TET3: variants seen among roughly 807,000 people sequenced by gnomAD.
TET3 encodes tet methylcytosine dioxygenase 3.
Under a neutral mutation model 141.4 loss-of-function variants are expected in TET3, and 19 were observed. The observed-to-expected ratio is 0.13, with a 90% CI of 0.09 to 0.20. The LOEUF is 0.20. Ranked by LOEUF, TET3 falls within the 10% of genes least tolerant of loss-of-function variation. The pLI is 1.00. For synonymous variants in TET3, 1,043 were observed against 980.9 expected (o/e 1.06, Z -1.18); for missense variants, 1,874 against 2,356.9 (o/e 0.80, Z 4.24).
chr2:74,027,073 A>C lies in TET3; in HGVS notation c.361-19205A>C, dbSNP rs530980809. ...ACTTTCACTTGTAACCCAGTAGGGA[A>C]ATAAAAGGAGAGAGAAATGCTGATG... On this transcript the variant is annotated intron_variant, in intron 3 of 11. Coordinates refer to ENST00000409262, the MANE Select transcript of TET3 (RefSeq NM_001287491.2). Among the ~76,000 whole-genome samples the C allele has an allele frequency of 1.2e-4, 18 of 152,328 alleles. No individual in the cohort carries two copies. The Middle Eastern group carries it at 0.01, about 86-fold the overall frequency.
At chr2:74,005,290 C>G (rs1404070110) in intron 3 of TET3, among the ~76,000 whole-genome samples, 1 of 152,348 alleles carries the variant, frequency 6.6e-6, no homozygotes, top group Admixed American at 6.5e-5. Context: ...ACAAGTCTTT[C>G]TCCTTCCGCC....
intron 4 of TET3, among the ~76,000 whole-genome samples, chr2:74,057,053 G>A (rs1216190793): frequency 5.3e-5 from 8 of 152,210 alleles, no homozygotes; most frequent in African/African-American, 1.9e-4. Flanking sequence ...TCTGGGCTGA[G>A]GATGAGGATG....
chr2:74,117,204 G>C, the TET3 span, among the ~76,000 whole-genome samples: 86 of 152,272 alleles, frequency 5.6e-4, no homozygotes, highest in African/African-American at 1.8e-3. Context: ...GGGCTCCCAA[G>C]TAGCTGGGAT....
At chr2:74,042,658 G>A (rs1404591266) in intron 3 of TET3, among the ~76,000 whole-genome samples, 2 of 152,210 alleles carry the variant, frequency 1.3e-5, no homozygotes, top group Non-Finnish European at 2.9e-5. Flanking sequence ...ATGTTGGTAG[G>A]TTAATGGCCT....
chr2:74,100,698 G>A lies in TET3; in HGVS notation c.3910G>A (p.Gly1304Ser). Residue 1304 changes from glycine (G) to serine (S), a missense_variant, in exon 12 of 12, where the codon GGT becomes AGT. This residue lies in a region of TET3 where 602 missense variants were observed against 590.2 expected (regional missense o/e 1.02). Coordinates refer to ENST00000409262, the MANE Select transcript of TET3 (RefSeq NM_001287491.2). ...PVFPSQFLGP[G>S]AWGHSGSSGS... ...CTTCCCCTCTCAGTTCCTGGGTCCTGGTGCCTGGGGGCACAGTGGCAGCAG... is the reference window on the plus strand; with the variant it reads ...CTTCCCCTCTCAGTTCCTGGGTCCTAGTGCCTGGGGGCACAGTGGCAGCAG... The A allele has an allele frequency of 6.2e-7, 1 of 1,613,986 alleles. No homozygotes were observed. Among genetic ancestry groups the A allele is most frequent in the South Asian group, 1.1e-5 (1 of 91,072 alleles).
the TET3 span, among the ~76,000 whole-genome samples, chr2:74,133,956 G>A: frequency 6.6e-6 from 1 of 151,990 alleles, no homozygotes; most frequent in Non-Finnish European, 1.5e-5. Context: ...TGTTGGTCAG[G>A]CTGGTCTCAA....
At position 74,101,744 on chromosome 2, in the gene TET3, C is replaced by A; in HGVS notation, c.4956C>A (p.Gly1652=). 1 of 1,613,192 alleles carries A rather than the reference C, an allele frequency of 6.2e-7. No homozygotes were observed. Among genetic ancestry groups the A allele is most frequent in the African/African-American group, 1.3e-5 (1 of 75,046 alleles). Residue 1652 remains glycine, a synonymous_variant, in exon 12 of 12, where the codon GGC becomes GGA. Transcript: ENST00000409262. The surrounding 1 kb of genome is among the most constrained non-coding windows in gnomAD (Gnocchi z 8.5). ...ACAACTTCCTGGACGAGAACATCGG[C>A]GGCGTGGCCGTGGCCCCAGCCCACG... ...SEHNFLDENI[G]GVAVAPAHGS...
rs201890863 is a variant in TET3, at chr2:74,101,939, G to C, written c.5151G>C (p.Ala1717=). 6.2e-7 allele frequency: 1 copy of C among 1,613,158 alleles called. No individual in the cohort carries two copies. Among genetic ancestry groups the C allele is most frequent in the Non-Finnish European group, 8.5e-7 (1 of 1,179,596 alleles). Residue 1717 remains alanine, a synonymous_variant, in exon 12 of 12, where the codon GCG becomes GCC. Transcript: ENST00000409262. This position sits in a 1 kb window ranked among gnomAD's most constrained non-coding sequence, Gnocchi z 8.5. ...ALWEAKMKQL[A]ERARARQEEA... ...GGGAAGCCAAGATGAAGCAGCTGGC[G>C]GAGAGGGCACGGGCACGGCAGGAGG...
intron 3 of TET3, among the ~76,000 whole-genome samples, chr2:74,011,649 C>G (rs1474638154): frequency 1.3e-5 from 2 of 152,234 alleles, no homozygotes; most frequent in African/African-American, 4.8e-5. Context: ...TCCCAGTCCC[C>G]TATCTTCGGT....
intron 2 of TET3, among the ~76,000 whole-genome samples, chr2:73,990,970 G>C (rs1354153004): frequency 6.6e-6 from 1 of 152,118 alleles, no homozygotes; most frequent in African/African-American, 2.4e-5. Context: ...GTTGGACAGG[G>C]AGGAGTGTTT....
At chr2:74,110,261 T>G (rs1440965545), downstream of TET3, among the ~76,000 whole-genome samples, 1 of 152,206 alleles carries the variant, frequency 6.6e-6, no homozygotes, top group Non-Finnish European at 1.5e-5. Flanking sequence ...GTAGCCATCT[T>G]AAATGAACTG....
Position 74,071,410 on chromosome 2 carries a change from C to T in TET3, c.2495-2139C>T, listed in dbSNP as rs1027928194. 3.4e-4 allele frequency among the ~76,000 whole-genome samples: 52 copies of T among 152,128 alleles called. 1 individual carries two copies. Among genetic ancestry groups the T allele is most frequent in the Admixed American group, 3.1e-3 (48 of 15,282 alleles). The stretch of plus-strand genomic sequence containing the variant: ...GTTTTAATGTGTGTGACTAAGATTT[C>T]GCCTAAGGATCAGCAAATTGTGGCT... On this transcript the variant is annotated intron_variant, in intron 4 of 11. Coordinates refer to ENST00000409262, the MANE Select transcript of TET3 (RefSeq NM_001287491.2).
intron 10 of TET3, among the ~76,000 whole-genome samples, chr2:74,098,919 C>T (rs1202143643): frequency 1.3e-5 from 2 of 152,200 alleles, no homozygotes; most frequent in South Asian, 2.1e-4. Flanking sequence ...TAATGGTGGA[C>T]GGTCTGAGCT....
the TET3 span, among the ~76,000 whole-genome samples, chr2:74,133,741 CTGTTTTTTTGTT>C: frequency 6.6e-6 from 1 of 152,090 alleles, no homozygotes; most frequent in African/African-American, 2.4e-5. Flanking sequence ...TCACTTTATT[CTGTTTTTTTGTT>C]TGTTTTTTTG....
At chr2:74,020,666 G>A (rs755192077) in intron 3 of TET3, among the ~76,000 whole-genome samples, 1 of 152,148 alleles carries the variant, frequency 6.6e-6, no homozygotes, top group Non-Finnish European at 1.5e-5. Context: ...TGCCTTGGAG[G>A]GACCCAGGAA....
chr2:74,034,998 T>C (rs1686958629), intron 3 of TET3, among the ~76,000 whole-genome samples: 1 of 147,802 alleles, frequency 6.8e-6, no homozygotes, highest in Non-Finnish European at 1.5e-5. Flanking sequence ...AAGACCATCC[T>C]GGTTAACATG....
chr2:74,048,483 T>C (rs1687769250), intron 4 of TET3, 72 bp downstream of exon 4: 1 of 1,456,794 alleles, frequency 6.9e-7, no homozygotes, highest in Admixed American at 2.5e-5. Context: ...TTCTAGGCCC[T>C]GCCTTTCATT....
At chr2:74,000,472 G>A (rs1380679736) in intron 2 of TET3, among the ~76,000 whole-genome samples, 3 of 152,208 alleles carry the variant, frequency 2.0e-5, no homozygotes, top group African/African-American at 7.2e-5. Flanking sequence ...TTGGTGATCT[G>A]AGAAACTGGC....
intron 4 of TET3, among the ~76,000 whole-genome samples, chr2:74,061,000 A>T (rs1407650437): frequency 6.6e-6 from 1 of 152,166 alleles, no homozygotes; most frequent in Non-Finnish European, 1.5e-5. Flanking sequence ...CGCCACTGTC[A>T]TCATGGCCCG....
Sources: allele counts gnomAD v4.1 joint callset (sites outside exome capture counted in the v4.1 genomes callset), GRCh38; gene constraint gnomAD v4.1.1; regional missense constraint gnomAD v4.1.1; non-coding constraint Gnocchi (gnomAD v3.1); transcripts MANE v1.5; gene names NCBI Gene and HGNC (gene_info 2026-07-23, HGNC 2026-07-21).